DNM3: variants seen among roughly 807,000 people sequenced by gnomAD.
DNM3 encodes the protein dynamin-3.
In DNM3, 47 loss-of-function variants were observed where a neutral mutation model predicts 101.6. That is an observed-to-expected ratio of 0.46 (90% CI 0.37 to 0.59). The LOEUF is 0.59. Ranked by LOEUF, DNM3 falls within the 20% of genes least tolerant of loss-of-function variation. The pLI is 0.00. For missense variants in DNM3, 849 were observed against 1,085.7 expected, an observed-to-expected ratio of 0.78 and a Z score of 3.06; for synonymous variants, 385 against 387.9, an observed-to-expected ratio of 0.99 and a Z score of 0.09.
chr1:172,278,069 A>G (rs1355908570), intron 15 of DNM3, among the ~76,000 whole-genome samples: 1 of 152,164 alleles, frequency 6.6e-6, no homozygotes, highest in East Asian at 1.9e-4. Context: ...TGTTATATAA[A>G]TACAGTTGAA....
chr1:171,867,607 T>C (rs1041664800), intron 1 of DNM3, among the ~76,000 whole-genome samples: 1 of 152,236 alleles, frequency 6.6e-6, no homozygotes, highest in African/African-American at 2.4e-5. Context: ...TCATAAATTT[T>C]TCCATACTTC....
At chr1:172,213,999 G>T (rs1007717438) in intron 14 of DNM3, among the ~76,000 whole-genome samples, 2 of 152,050 alleles carry the variant, frequency 1.3e-5, no homozygotes, top group African/African-American at 4.8e-5. Flanking sequence ...AGGTAGAAAC[G>T]TTTTCCTGAT....
intron 15 of DNM3, among the ~76,000 whole-genome samples, chr1:172,283,802 C>G (rs1046164243): frequency 1.5e-5 from 2 of 133,170 alleles, no homozygotes; most frequent in Non-Finnish European, 3.3e-5. Context: ...GAAAGAAAAC[C>G]AAGTCAATGT....
intron 1 of DNM3, among the ~76,000 whole-genome samples, chr1:171,882,533 A>G (rs2036379696): frequency 6.6e-6 from 1 of 151,916 alleles, no homozygotes. Flanking sequence ...TGTATTTCTT[A>G]AGAACAAGGA....
chr1:172,260,296 C>T (rs2062589085), intron 15 of DNM3, among the ~76,000 whole-genome samples: 2 of 151,934 alleles, frequency 1.3e-5, no homozygotes, highest in Admixed American at 6.6e-5. Flanking sequence ...CTATAATATG[C>T]CATGAAGAAG....
chr1:172,134,046 G>A (rs1350179430), intron 14 of DNM3, among the ~76,000 whole-genome samples: 2 of 152,188 alleles, frequency 1.3e-5, no homozygotes, highest in East Asian at 3.9e-4. Context: ...GGTATGGGGT[G>A]GATGCGTGAA....
At chr1:172,393,211 C>T (rs1558084032) in intron 20 of DNM3, 1 of 152,202 alleles carries the variant, frequency 6.6e-6, no homozygotes, top group Non-Finnish European at 1.5e-5. Context: ...AAGACAAAAG[C>T]CATTTAATCC....
chr1:171,956,599 A>G (rs529544923), intron 2 of DNM3, among the ~76,000 whole-genome samples: 10 of 152,016 alleles, frequency 6.6e-5, no homozygotes, highest in African/African-American at 2.2e-4. Flanking sequence ...CGGTGGATCT[A>G]CCATTCTGGG....
intron 4 of DNM3, among the ~76,000 whole-genome samples, chr1:172,031,728 C>T (rs1460620231): frequency 1.3e-5 from 2 of 152,080 alleles, no homozygotes; most frequent in Non-Finnish European, 2.9e-5. Flanking sequence ...GTTTCTAACT[C>T]TTTATTTGAC....
intron 13 of DNM3, among the ~76,000 whole-genome samples, chr1:172,110,208 G>T (rs1392859778): frequency 6.6e-6 from 1 of 152,074 alleles, no homozygotes; most frequent in Non-Finnish European, 1.5e-5. Context: ...CTCTTTCTCT[G>T]TTCTTCTTTT....
At chr1:171,954,073 C>T (rs908459956) in intron 2 of DNM3, among the ~76,000 whole-genome samples, 1 of 152,152 alleles carries the variant, frequency 6.6e-6, no homozygotes. Context: ...TGGACATTAA[C>T]CTGCAATTAA....
At chr1:172,011,840 A>C (rs531498105) in intron 4 of DNM3, among the ~76,000 whole-genome samples, 1 of 152,032 alleles carries the variant, frequency 6.6e-6, no homozygotes, top group East Asian at 1.9e-4. Flanking sequence ...TAAATTTCTC[A>C]TGTGAACTCA....
chr1:172,406,247 G>A (rs7533968), intron 20 of DNM3, among the ~76,000 whole-genome samples: 16,655 of 151,938 alleles, frequency 0.11, 3,055 homozygotes, highest in African/African-American at 0.38. Context: ...TGATTAGTTA[G>A]TAGTCTCAGA....
chr1:172,061,938 G>A (rs979455610), intron 10 of DNM3, among the ~76,000 whole-genome samples: 1 of 152,154 alleles, frequency 6.6e-6, no homozygotes, highest in East Asian at 1.9e-4. Context: ...GCTGTGCTTT[G>A]CATGTAATAC....
intron 15 of DNM3, among the ~76,000 whole-genome samples, chr1:172,269,436 C>T (rs374242832): frequency 2.6e-5 from 4 of 152,182 alleles, no homozygotes; most frequent in South Asian, 4.2e-4. Context: ...GGGACCCAAT[C>T]GCTAGTTGTA....
intron 13 of DNM3, among the ~76,000 whole-genome samples, chr1:172,094,201 A>G (rs1328778981): frequency 1.3e-5 from 2 of 152,142 alleles, no homozygotes; most frequent in Non-Finnish European, 2.9e-5. Flanking sequence ...AGCCTACCCA[A>G]TACCAATTAT....
chr1:172,231,363 A>G (rs140669325), intron 14 of DNM3, among the ~76,000 whole-genome samples: 1,898 of 152,290 alleles, frequency 0.012, 44 homozygotes, highest in African/African-American at 0.043. Context: ...GCAAACTCCA[A>G]CAGACCTTCA....
chr1:171,952,559 T>C (rs776602700), intron 2 of DNM3, among the ~76,000 whole-genome samples: 16 of 152,160 alleles, frequency 1.1e-4, no homozygotes, highest in Admixed American at 2.0e-4. Flanking sequence ...CAGGTTTCTC[T>C]GGGGTTCCCT....
intron 4 of DNM3, among the ~76,000 whole-genome samples, chr1:172,020,595 C>T (rs1020392134): frequency 4.0e-5 from 6 of 151,646 alleles, no homozygotes; most frequent in East Asian, 1.9e-4. Context: ...TGGTGGCGGG[C>T]GCCTGTAGTT....
Sources: gnomAD v4.1 joint callset for allele counts (sites outside exome capture counted in the v4.1 genomes callset) on GRCh38, gnomAD v4.1.1 for gene constraint, MANE v1.5 for transcripts, NCBI Gene and HGNC (gene_info 2026-07-23, HGNC 2026-07-21) for gene names.